PIGN: variants seen among roughly 807,000 people sequenced by gnomAD.
PIGN encodes the protein GPI ethanolamine phosphate transferase 1.
Under a neutral mutation model 125.4 loss-of-function variants are expected in PIGN, and 117 were observed. The ratio of observed to expected loss-of-function variants is 0.93; its 90% confidence interval spans 0.80 to 1.09. The LOEUF is 1.09. Ranked by LOEUF, PIGN falls within the 50% of genes least tolerant of loss-of-function variation. PIGN has a pLI of 0.00. For synonymous variants in PIGN, 392 were observed against 377.8 expected (o/e 1.04, Z -0.44); for missense variants, 1,075 against 1,094.9 (o/e 0.98, Z 0.26).
intron 4 of PIGN, among the ~76,000 whole-genome samples, chr18:62,160,299 C>T (rs2036902935): frequency 6.6e-6 from 1 of 152,112 alleles, no homozygotes; most frequent in Non-Finnish European, 1.5e-5. Context: ...TGTTTGTAGG[C>T]CCTTTGTAAG....
chr18:62,050,908 G>A (rs2031224818), intron 30 of PIGN, among the ~76,000 whole-genome samples: 1 of 151,356 alleles, frequency 6.6e-6, no homozygotes, highest in Non-Finnish European at 1.5e-5. Context: ...TTTTTAGCAT[G>A]AACGGTTGTT....
At chr18:62,130,905 T>C (rs2035710043) in intron 14 of PIGN, among the ~76,000 whole-genome samples, 1 of 152,180 alleles carries the variant, frequency 6.6e-6, no homozygotes, top group Admixed American at 6.6e-5. Flanking sequence ...TTTTCATTCC[T>C]TTAGCATGAC....
At chr18:62,109,511 T>C (rs1186778492) in intron 17 of PIGN, among the ~76,000 whole-genome samples, 7 of 152,180 alleles carry the variant, frequency 4.6e-5, no homozygotes, top group Non-Finnish European at 8.8e-5. Context: ...AAGTTCAAAA[T>C]GCAAGTTAGT....
At chr18:62,087,754 T>C (rs751437389) in intron 25 of PIGN, among the ~76,000 whole-genome samples, 3 of 152,202 alleles carry the variant, frequency 2.0e-5, no homozygotes, top group Admixed American at 6.5e-5. Flanking sequence ...GCCATGTATC[T>C]GATAAGGGTT....
At chr18:62,141,134 T>C (rs985112367) in intron 11 of PIGN, among the ~76,000 whole-genome samples, 2 of 152,206 alleles carry the variant, frequency 1.3e-5, no homozygotes, top group Non-Finnish European at 2.9e-5. Context: ...CTAAATCTAA[T>C]TGACTATGTT....
rs2033637549 is a variant in PIGN at position 62,085,143 on chromosome 18, G to A, written c.2426+66C>T. ...AAAAATAATAAGGTACAGAACAAAA[G>A]GTATAGAAGTCCCAGGTTGCATTAT... On this transcript the variant is annotated intron_variant, in intron 26 of 30. Coordinates refer to ENST00000640252, the MANE Select transcript of PIGN (RefSeq NM_176787.5). 1.3e-5 allele frequency: 11 copies of A among 866,632 alleles called. No homozygotes were observed. In the South Asian group the frequency reaches 1.4e-4, roughly 11 times the overall value. 53.7% of individuals were successfully genotyped at this position (866,632 alleles called of 1,614,324 possible). A position where few individuals can be genotyped will look rare whatever the true frequency, so the allele number is the denominator to read the frequency against.
chr18:62,179,703 C>T (rs775620044), intron 1 of PIGN, among the ~76,000 whole-genome samples: 3 of 152,062 alleles, frequency 2.0e-5, no homozygotes, highest in Non-Finnish European at 2.9e-5. Context: ...GCTGAGATCA[C>T]GCCACTGCAC....
At chr18:62,110,678 C>T (rs1359847817) in intron 16 of PIGN, among the ~76,000 whole-genome samples, 2 of 151,960 alleles carry the variant, frequency 1.3e-5, no homozygotes, top group Non-Finnish European at 2.9e-5. Context: ...CTCCTGCTGG[C>T]GAGTTCAGTC....
At chr18:62,135,205 G>A (rs1409535229) in intron 14 of PIGN, among the ~76,000 whole-genome samples, 1 of 152,134 alleles carries the variant, frequency 6.6e-6, no homozygotes, top group African/African-American at 2.4e-5. Context: ...TTTTATGGAT[G>A]CAATAGTTTC....
At chr18:62,078,285 C>CTGAACTAAGTCT (rs1416691185) in intron 28 of PIGN, among the ~76,000 whole-genome samples, 1 of 152,190 alleles carries the variant, frequency 6.6e-6, no homozygotes, top group Non-Finnish European at 1.5e-5. Context: ...AATACGATCC[C>CTGAACTAAGTCT]TGAACTAAGT....
chr18:62,139,008 G>T lies in PIGN; in HGVS notation c.1091C>A (p.Ala364Glu). Residue 364 changes from alanine to glutamate, a missense_variant, in exon 13 of 31, where the codon GCA (alanine) becomes GAA (glutamate). By Grantham distance (107) the Ala-to-Glu change is moderately radical (BLOSUM62 -1). This residue lies in a region of PIGN where 915 missense variants were observed against 908.7 expected (regional missense o/e 1.01). Transcript: ENST00000640252. ...CTTGAACTGTTCAAGAATCTGTACTGCATTTGTAAACATGCTCTCTGCTTT... is the reference window on the plus strand; with the variant it reads ...CTTGAACTGTTCAAGAATCTGTACTTCATTTGTAAACATGCTCTCTGCTTT... The part of the protein sequence containing the change: ...LFKAESMFTN[A>E]VQILEQFKVK... 1 of 1,607,102 alleles carries T rather than the reference G, an allele frequency of 6.2e-7. No homozygotes were observed. Among genetic ancestry groups the T allele is most frequent in the Non-Finnish European group, 8.5e-7 (1 of 1,175,560 alleles).
chr18:62,071,558 G>A (rs552930591), intron 30 of PIGN, among the ~76,000 whole-genome samples: 9 of 151,978 alleles, frequency 5.9e-5, no homozygotes, highest in Non-Finnish European at 7.4e-5. Context: ...GAACTTCTGC[G>A]TGAGTGTAGT....
At chr18:62,181,332 ACAGT>A (rs1017806303) in intron 1 of PIGN, among the ~76,000 whole-genome samples, 1 of 152,152 alleles carries the variant, frequency 6.6e-6, no homozygotes, top group African/African-American at 2.4e-5. Context: ...TCTCCCCAAC[ACAGT>A]CAAACTTCTT....
chr18:62,149,266 A>G (rs964873006), intron 7 of PIGN, among the ~76,000 whole-genome samples: 1 of 152,240 alleles, frequency 6.6e-6, no homozygotes, highest in African/African-American at 2.4e-5. Flanking sequence ...GAATAGAAAT[A>G]AATTAATACA....
At chr18:62,047,638 A>G (rs145186739) in intron 30 of PIGN, among the ~76,000 whole-genome samples, 17 of 152,272 alleles carry the variant, frequency 1.1e-4, no homozygotes, top group Non-Finnish European at 4.4e-5. Context: ...TGCAAGGGGA[A>G]CCTGGATTTC....
At chr18:62,082,845 TCAA>T in intron 27 of PIGN, 99 bp from the exon 28 acceptor site, 1 of 694,438 alleles carries the variant, frequency 1.4e-6, no homozygotes, top group South Asian at 1.8e-5. Context: ...TTTCAATTTC[TCAA>T]GTAACTTTTA....
chr18:62,127,226 T>C (rs1372218246), intron 14 of PIGN, among the ~76,000 whole-genome samples: 1 of 152,166 alleles, frequency 6.6e-6, no homozygotes, highest in Admixed American at 6.5e-5. Flanking sequence ...CCACCATAAG[T>C]TGAAAATATC....
At chr18:62,131,354 T>C (rs1000968345) in intron 14 of PIGN, among the ~76,000 whole-genome samples, 4 of 152,232 alleles carry the variant, frequency 2.6e-5, no homozygotes, top group Non-Finnish European at 5.9e-5. Flanking sequence ...AGATCTTTTT[T>C]GCTTTCTTCT....
intron 30 of PIGN, among the ~76,000 whole-genome samples, chr18:62,048,340 A>C (rs1369070497): frequency 1.3e-5 from 2 of 152,210 alleles, no homozygotes; most frequent in African/African-American, 4.8e-5. Flanking sequence ...ATCTTACAGA[A>C]GCTAAGCAAA....
Sources: gnomAD v4.1 joint callset for allele counts (sites outside exome capture counted in the v4.1 genomes callset) on GRCh38, gnomAD v4.1.1 for gene constraint, gnomAD v4.1.1 regional missense constraint, MANE v1.5 for transcripts, NCBI Gene and HGNC (gene_info 2026-07-23, HGNC 2026-07-21) for gene names.